CSNK1D: variants seen among roughly 807,000 people sequenced by gnomAD.
CSNK1D encodes the protein casein kinase 1 delta.
CSNK1D carries 16 observed loss-of-function variants against 46.6 expected under a neutral mutation model. The observed-to-expected ratio is 0.34, with a 90% CI of 0.23 to 0.52. The LOEUF is 0.52. Among genes scored for constraint, CSNK1D ranks in the 20% least tolerant of loss-of-function variants. The pLI, the probability that CSNK1D is intolerant of heterozygous loss-of-function variation, is 0.95. For synonymous variants in CSNK1D, 276 were observed against 228.2 expected (o/e 1.21, Z -1.89); for missense variants, 398 against 578.4 (o/e 0.69, Z 3.20).
intron 2 of CSNK1D, among the ~76,000 whole-genome samples, chr17:82,256,028 C>T (rs757655662): frequency 4.6e-5 from 7 of 152,136 alleles, no homozygotes; most frequent in African/African-American, 1.4e-4. Flanking sequence ...TCAATTACTC[C>T]GATGTTGGTA....
At chr17:82,247,292 G>A (rs933280246) in intron 8 of CSNK1D, 46 of 985,226 alleles carry the variant, frequency 4.7e-5, no homozygotes, top group Non-Finnish European at 5.3e-5. Context: ...GCCACCTTGG[G>A]GGCTGGTGGC....
intron 1 of CSNK1D, among the ~76,000 whole-genome samples, chr17:82,271,716 G>C: frequency 6.6e-6 from 1 of 152,210 alleles, no homozygotes; most frequent in Non-Finnish European, 1.5e-5. Flanking sequence ...GTGTGGATTC[G>C]TCCTAACGCT....
In CSNK1D at chr17:82,248,735, C is replaced by A; in HGVS notation, c.1197+140G>T. ...CGAGAAGCCTCATCTGCAACCAAGA[C>A]GCCACACCCTGGCGAGATTAAAAAC... On this transcript the variant is annotated intron_variant, in intron 8 of 8. Coordinates refer to ENST00000314028, the MANE Select transcript of CSNK1D (RefSeq NM_001893.6). This position sits in a 1 kb window ranked among gnomAD's most constrained non-coding sequence, Gnocchi z 4.1. 3 of 1,486,690 alleles carry A rather than the reference C, an allele frequency of 2.0e-6. No homozygotes were observed. Among genetic ancestry groups the A allele is most frequent in the Non-Finnish European group, 1.8e-6 (2 of 1,119,766 alleles). The allele number at this position is 1,486,690 out of a possible 1,614,324, so 92.1% of individuals were successfully genotyped here.
intron 8 of CSNK1D, chr17:82,247,182 G>A (rs1025740689): frequency 4.1e-6 from 4 of 985,354 alleles, no homozygotes; most frequent in Non-Finnish European, 4.8e-6. Flanking sequence ...CCTCCCTGCT[G>A]TTAGAGCCCA....
chr17:82,256,842 C>T (rs189801097), intron 2 of CSNK1D, among the ~76,000 whole-genome samples: 37 of 152,310 alleles, frequency 2.4e-4, no homozygotes, highest in East Asian at 2.1e-3. Flanking sequence ...TACACACATA[C>T]GGCTTGTGAA....
At chr17:82,239,902 CCT>C (rs1255899339), downstream of CSNK1D, 88 of 931,650 alleles carry the variant, frequency 9.4e-5, no homozygotes, top group Non-Finnish European at 1.2e-4. Context: ...GTCCTGGACA[CCT>C]AACACCCACC....
intron 2 of CSNK1D, among the ~76,000 whole-genome samples, chr17:82,265,020 C>T (rs1302752554): frequency 1.3e-5 from 2 of 151,790 alleles, no homozygotes; most frequent in African/African-American, 4.8e-5. Context: ...AGGATGGTCT[C>T]GAGCTCCTGA....
rs925658990 is a variant in CSNK1D, at chr17:82,248,373, G to C, written c.1197+502C>G. ...GGTACTTCTCGTCCAAGGGAAGACA[G>C]GTGAGGCCGTCAAAAGAAGGAAAGC... On this transcript the variant is annotated intron_variant, in intron 8 of 8. Coordinates refer to ENST00000314028, the MANE Select transcript of CSNK1D (RefSeq NM_001893.6). The surrounding 1 kb of genome is among the most constrained non-coding windows in gnomAD (Gnocchi z 4.1). 2.0e-6 allele frequency: 2 copies of C among 1,002,134 alleles called. No individual in the cohort carries two copies. The highest frequency in any genetic ancestry group is 3.5e-5 in the African/African-American group (2 of 57,502). The allele number at this position is 1,002,134 out of a possible 1,614,324, so 62.1% of individuals were successfully genotyped here.
chr17:82,242,888 C>T lies in CSNK1D; in HGVS notation c.*1893G>A, dbSNP rs143801830. The T allele has an allele frequency of 1.2e-3, 1,171 of 985,418 alleles. 6 individuals are homozygous for T. In the African/African-American group the frequency reaches 0.014, roughly 12 times the overall value. 61.0% of individuals were successfully genotyped at this position (985,418 alleles called of 1,614,324 possible). ...GGCGAGGCTCGGGCTGGAACCCGGG[C>T]GCAGAGCTGCCTCGCACAAACGTTC... is the stretch of plus-strand genomic sequence containing the variant. On this transcript the variant is annotated 3_prime_UTR_variant, in exon 9 of 9. Coordinates refer to ENST00000314028, the MANE Select transcript of CSNK1D (RefSeq NM_001893.6).
At chr17:82,272,368 C>T (rs545137732) in intron 1 of CSNK1D, 4 of 152,386 alleles carry the variant, frequency 2.6e-5, no homozygotes, top group African/African-American at 9.6e-5. Context: ...AAATTACAAA[C>T]TTGAAGATTT....
rs969455716 is a variant in CSNK1D at position 82,243,876 on chromosome 17, A to G, written c.*905T>C. On this transcript the variant is annotated 3_prime_UTR_variant, in exon 9 of 9. Transcript: ENST00000314028. Reference sequence around the variant, plus strand: ...CCAAGGGACCAGAAACGCATCTTCCACCTTGAATCCTGGGACTCCCAATTG... The same window carrying G: ...CCAAGGGACCAGAAACGCATCTTCCGCCTTGAATCCTGGGACTCCCAATTG... 18 of 985,434 alleles carry G rather than the reference A, an allele frequency of 1.8e-5. No homozygotes were observed. Among genetic ancestry groups the G allele is most frequent in the Non-Finnish European group, 2.2e-5 (18 of 830,066 alleles). 61.0% of individuals were successfully genotyped at this position (985,434 alleles called of 1,614,324 possible).
At chr17:82,240,260 C>A (rs1430768573), downstream of CSNK1D, among the ~76,000 whole-genome samples, 1 of 152,204 alleles carries the variant, frequency 6.6e-6, no homozygotes, top group Non-Finnish European at 1.5e-5. Context: ...CTCTGCACAG[C>A]TAGGCCCATG....
Position 82,251,112 on chromosome 17 carries a change from G to GA in CSNK1D, c.885+266dup, listed in dbSNP as rs1465208136. 2.1e-6 allele frequency: 1 copy of GA among 475,504 alleles called. No homozygotes were observed. Among genetic ancestry groups the GA allele is most frequent in the Non-Finnish European group, 3.9e-6 (1 of 257,396 alleles). 29.5% of individuals were successfully genotyped at this position (475,504 alleles called of 1,614,324 possible). A position where few individuals can be genotyped will look rare whatever the true frequency, so the allele number is the denominator to read the frequency against. On this transcript the variant is annotated intron_variant, in intron 6 of 8. Coordinates refer to ENST00000314028, the MANE Select transcript of CSNK1D (RefSeq NM_001893.6). This position sits in a 1 kb window ranked among gnomAD's most constrained non-coding sequence, Gnocchi z 4.5. Reference sequence around the variant, plus strand: ...GCTCTGGGCCCTAGCTCCGCTTGGTGACAGGGAGGGAAGGGGCCTCCTGCT... The same window carrying GA: ...GCTCTGGGCCCTAGCTCCGCTTGGTGAACAGGGAGGGAAGGGGCCTCCTGCT...
At chr17:82,256,839 A>C (rs916569672) in intron 2 of CSNK1D, among the ~76,000 whole-genome samples, 42 of 152,320 alleles carry the variant, frequency 2.8e-4, no homozygotes, top group African/African-American at 1.0e-3. Context: ...CTCTACACAC[A>C]TACGGCTTGT....
At chr17:82,258,254 G>C (rs1158598996) in intron 2 of CSNK1D, among the ~76,000 whole-genome samples, 1 of 148,612 alleles carries the variant, frequency 6.7e-6, no homozygotes, top group East Asian at 2.0e-4. Context: ...ACATATATAT[G>C]TGTATTTATG....
intron 2 of CSNK1D, among the ~76,000 whole-genome samples, chr17:82,263,198 AAAAAAC>A (rs1213275888): frequency 6.6e-6 from 1 of 152,178 alleles, no homozygotes; most frequent in Non-Finnish European, 1.5e-5. Flanking sequence ...AACAAAAAAC[AAAAAAC>A]AAAAACAAAA....
At chr17:82,239,150 G>A (rs1490495034), downstream of CSNK1D, 14 of 622,360 alleles carry the variant, frequency 2.2e-5, no homozygotes, top group African/African-American at 3.7e-5. Context: ...GGTGGGAACC[G>A]TGTCATTCCA....
In CSNK1D at chr17:82,259,954, ATGACTGATGGTGTACTGACTGATG is replaced by A. The variant is rs1204684883; in HGVS notation, c.188-4401_188-4378del. The stretch of plus-strand genomic sequence containing the variant: ...ACTGACTGATGGTGTACTGACTGAT[ATGACTGATGGTGTACTGACTGATG>A]TGACTGATGGTGTACTGAGTGATGT... On this transcript the variant is annotated intron_variant, in intron 2 of 8. Coordinates refer to ENST00000314028, the MANE Select transcript of CSNK1D (RefSeq NM_001893.6). Among the ~76,000 whole-genome samples, 27 of 136,382 alleles carry A rather than the reference ATGACTGATGGTGTACTGACTGATG, an allele frequency of 2.0e-4. No individual in the cohort carries two copies. The East Asian group carries it at 4.3e-3, about 22-fold the overall frequency. 89.5% of individuals were successfully genotyped at this position (136,382 alleles called of 152,430 possible).
Position 82,251,492 on chromosome 17 carries a change from AG to A in CSNK1D, c.771del (p.Leu258CysfsTer58), listed in dbSNP as rs1384780317. 2 of 1,614,146 alleles carry A rather than the reference AG, an allele frequency of 1.2e-6. No homozygotes were observed. The highest frequency in any genetic ancestry group is 1.1e-5 in the South Asian group (1 of 91,086). On this transcript the variant is annotated frameshift_variant, in exon 6 of 9. Transcript: ENST00000314028. LOFTEE classifies it high-confidence loss of function. This position sits in a 1 kb window ranked among gnomAD's most constrained non-coding sequence, Gnocchi z 4.5. ...EFATYLNFCR[S>X]LRFDDKPDYS... ...TAGTCAGGCTTGTCGTCAAAACGCA[AG>A]GAACGGCAGAAATTCAGGTATGTGG...
Sources: gnomAD v4.1 joint callset for allele counts (sites outside exome capture counted in the v4.1 genomes callset) on GRCh38, gnomAD v4.1.1 for gene constraint, Gnocchi (gnomAD v3.1) non-coding constraint, MANE v1.5 for transcripts, NCBI Gene and HGNC (gene_info 2026-07-23, HGNC 2026-07-21) for gene names.